TEX9: variants seen among roughly 807,000 people sequenced by gnomAD.
The protein encoded by TEX9 is testis-expressed protein 9.
Under a neutral mutation model 59.6 loss-of-function variants are expected in TEX9, and 74 were observed. That is an observed-to-expected ratio of 1.24 (90% CI 1.03 to 1.51). The LOEUF is 1.51. TEX9 is among the 40% of genes most tolerant of loss of function. The pLI, the probability that TEX9 is intolerant of heterozygous loss-of-function variation, is 0.00. For synonymous variants in TEX9, 186 were observed against 152.2 expected (o/e 1.22, Z -1.64); for missense variants, 522 against 447.8 (o/e 1.17, Z -1.49).
At chr15:56,434,180 T>TTCC in intron 12 of TEX9, 1 of 1,613,768 alleles carries the variant, frequency 6.2e-7, no homozygotes. Flanking sequence ...CAATAAGTTT[T>TTCC]TCCACAGCCC....
At chr15:56,444,414 A>T (rs1160117967) in intron 12 of TEX9, 2 of 1,564,992 alleles carry the variant, frequency 1.3e-6, no homozygotes, top group East Asian at 4.5e-5. Flanking sequence ...GTAAACATTT[A>T]GACATGTAAG....
chr15:56,371,087 G>T (rs1388617592), intron 2 of TEX9, among the ~76,000 whole-genome samples: 2 of 152,072 alleles, frequency 1.3e-5, no homozygotes, highest in Non-Finnish European at 2.9e-5. Context: ...CTGGCCTCAA[G>T]TGATCCTCCC....
the TEX9 span, among the ~76,000 whole-genome samples, chr15:56,452,108 C>T: frequency 3.3e-5 from 5 of 152,168 alleles, no homozygotes; most frequent in Non-Finnish European, 7.4e-5. Flanking sequence ...TCTCTCTTCT[C>T]TCCTGTTTGC....
At chr15:56,305,141 A>G (rs1354040742) in intron 1 of TEX9, among the ~76,000 whole-genome samples, 2 of 152,210 alleles carry the variant, frequency 1.3e-5, no homozygotes, top group Admixed American at 6.6e-5. Context: ...GACACAAAAC[A>G]TGGAAAAATA....
the TEX9 span, among the ~76,000 whole-genome samples, chr15:56,452,111 C>T: frequency 2.0e-5 from 3 of 152,148 alleles, no homozygotes; most frequent in Admixed American, 6.5e-5. Context: ...CTCTTCTCTC[C>T]TGTTTGCTTC....
At chr15:56,413,874 C>T (rs540334942) in intron 10 of TEX9, among the ~76,000 whole-genome samples, 60 of 151,650 alleles carry the variant, frequency 4.0e-4, no homozygotes, top group Non-Finnish European at 6.9e-4. Context: ...AAATATGTGC[C>T]GTAGTGATTA....
chr15:56,355,738 T>A (rs1326132369), intron 1 of TEX9, among the ~76,000 whole-genome samples: 2 of 152,106 alleles, frequency 1.3e-5, no homozygotes, highest in Admixed American at 6.6e-5. Flanking sequence ...TGTTTAGTTA[T>A]CTTTGATATT....
intron 3 of TEX9, among the ~76,000 whole-genome samples, chr15:56,383,480 T>G (rs1481000223): frequency 2.0e-5 from 3 of 152,210 alleles, no homozygotes; most frequent in Non-Finnish European, 2.9e-5. Flanking sequence ...CTTGCCTCAC[T>G]TTCATTTCTT....
chr15:56,296,761 G>A (rs1375494772), intron 1 of TEX9, among the ~76,000 whole-genome samples: 1 of 152,178 alleles, frequency 6.6e-6, no homozygotes, highest in Non-Finnish European at 1.5e-5. Context: ...GTCAAAATAA[G>A]GAAGCTGTAT....
At chr15:56,265,540 T>A (rs1362569942) in intron 1 of TEX9, among the ~76,000 whole-genome samples, 1 of 152,156 alleles carries the variant, frequency 6.6e-6, no homozygotes, top group African/African-American at 2.4e-5. Context: ...TGCATCCCAA[T>A]AATTTTGATA....
chr15:56,437,381 T>C (rs1020091577), intron 12 of TEX9, among the ~76,000 whole-genome samples: 10 of 152,224 alleles, frequency 6.6e-5, no homozygotes, highest in African/African-American at 1.7e-4. Flanking sequence ...ATTATCTCAA[T>C]AGATGCAAAA....
At chr15:56,434,232 A>G (rs1330609415) in intron 12 of TEX9, 2 of 1,613,968 alleles carry the variant, frequency 1.2e-6, no homozygotes, top group Non-Finnish European at 1.7e-6. Context: ...CTGAGCATTC[A>G]TTAATTCTAT....
chr15:56,318,091 A>T (rs1196978456), intron 1 of TEX9, among the ~76,000 whole-genome samples: 2 of 151,900 alleles, frequency 1.3e-5, no homozygotes, highest in Non-Finnish European at 2.9e-5. Flanking sequence ...AATCTCTCTT[A>T]TTGTTGAATT....
intron 11 of TEX9, 81 bp from the exon 12 acceptor site, chr15:56,428,286 C>G (rs1387851441): frequency 1.1e-6 from 1 of 947,688 alleles, no homozygotes; most frequent in Non-Finnish European, 1.7e-6. Context: ...ATATATTATC[C>G]ACACATTTTT....
At chr15:56,374,609 T>C (rs182942808) in intron 3 of TEX9, 57 of 150,006 alleles carry the variant, frequency 3.8e-4, no homozygotes, top group African/African-American at 1.2e-3. Context: ...ATAATAAACA[T>C]GTTGTGCTGT....
At chr15:56,246,268 G>T (rs543663959) in intron 1 of TEX9, among the ~76,000 whole-genome samples, 1 of 152,226 alleles carries the variant, frequency 6.6e-6, no homozygotes, top group East Asian at 1.9e-4. Flanking sequence ...AACCTTTTCC[G>T]GCCTTCCAGG....
rs565776154 is a variant in TEX9, at chr15:56,334,925, G to T, written c.-106-38516G>T. ...AAAAGGTGCTCAACTAAACATCAGA[G>T]AAATGCAAATCAAAACTATAATGAG... On this transcript the variant is annotated intron_variant, in intron 1 of 5. Coordinates refer to the TEX9 transcript ENST00000560827. 6.6e-5 allele frequency among the ~76,000 whole-genome samples: 10 copies of T among 152,158 alleles called. No individual in the cohort carries two copies. In the East Asian group the frequency reaches 9.7e-4, roughly 15 times the overall value.
At chr15:56,293,251 C>T (rs55719102) in intron 1 of TEX9, among the ~76,000 whole-genome samples, 2,791 of 152,112 alleles carry the variant, frequency 0.018, 31 homozygotes, top group Non-Finnish European at 0.027. Context: ...AAGGGAGGAC[C>T]CCTTGAACCC....
intron 10 of TEX9, among the ~76,000 whole-genome samples, chr15:56,419,915 A>G (rs190497483): frequency 6.6e-6 from 1 of 151,982 alleles, no homozygotes. Context: ...TTTCTTGTGG[A>G]AAGATTTTAT....
Sources: gnomAD v4.1 joint callset for allele counts (sites outside exome capture counted in the v4.1 genomes callset) on GRCh38, gnomAD v4.1.1 for gene constraint, MANE v1.5 for transcripts, NCBI Gene and HGNC (gene_info 2026-07-23, HGNC 2026-07-21) for gene names.